The following DCHS2 variants were observed in gnomAD, a reference collection of about 807,000 sequenced individuals.
DCHS2 encodes the protein dachsous cadherin-related 2, also known as protocadherin-23.
Under a neutral mutation model 182.4 loss-of-function variants are expected in DCHS2, and 142 were observed. The observed-to-expected ratio is 0.78, with a 90% CI of 0.68 to 0.89. The LOEUF (loss-of-function observed/expected upper bound fraction) is 0.89. Ranked by LOEUF, DCHS2 falls within the 40% of genes least tolerant of loss-of-function variation. DCHS2 has a pLI of 0.00. For synonymous variants in DCHS2, 1,740 were observed against 1,663.3 expected, an observed-to-expected ratio of 1.05 and a Z score of -1.12; for missense variants, 4,319 against 4,198.6, an observed-to-expected ratio of 1.03 and a Z score of -0.79.
At chr4:154,302,964 C>T (rs1461715898) in intron 12 of DCHS2, among the ~76,000 whole-genome samples, 17 of 43,872 alleles carry the variant, frequency 3.9e-4, no homozygotes, top group Non-Finnish European at 5.2e-4. Flanking sequence ...CACACACACA[C>T]ACACCCACAC....
chr4:154,263,089 C>T (rs941804044), intron 14 of DCHS2, among the ~76,000 whole-genome samples: 9 of 152,138 alleles, frequency 5.9e-5, no homozygotes, highest in African/African-American at 1.9e-4. Context: ...GGTTTTCTCA[C>T]ACTTTTATTC....
Position 154,235,614 on chromosome 4 carries a change from A to AT in DCHS2, c.9037dup (p.Ile3013AsnfsTer8). On this transcript the variant is annotated frameshift_variant, in exon 20 of 20. Transcript: ENST00000357232. LOFTEE classifies it low-confidence loss of function (END_TRUNC). Reference sequence around the variant, plus strand: ...TTGTTTATGTCTTAAAATCATTACAATTAGAATGCAGATGAGTATCAGAAA... The same window carrying AT: ...TTGTTTATGTCTTAAAATCATTACAATTTAGAATGCAGATGAGTATCAGAAA... 1 of 1,613,956 alleles carries AT rather than the reference A, an allele frequency of 6.2e-7. No individual in the cohort carries two copies. Among genetic ancestry groups the AT allele is most frequent in the Non-Finnish European group, 8.5e-7 (1 of 1,179,944 alleles).
Position 154,236,221 on chromosome 4 carries a change from G to T in DCHS2, c.8431C>A (p.Pro2811Thr), listed in dbSNP as rs956155063. ...YGELTYSIVS[P>T]CFLTHGMSYD... ...GACATTCCATGAGTGAGAAAACAGG[G>T]TGATACAATAGAATAGGTCAATTCT... Residue 2811 changes from proline to threonine, a missense_variant, in exon 20 of 20, where the codon CCC becomes ACC. Coordinates refer to ENST00000357232, the MANE Select transcript of DCHS2 (RefSeq NM_001358235.2). 4 of 1,613,940 alleles carry T rather than the reference G, an allele frequency of 2.5e-6. No homozygotes were observed. Among genetic ancestry groups the T allele is most frequent in the Admixed American group, 3.3e-5 (2 of 60,012 alleles).
At chr4:154,237,248 T>C (rs1297052419) in intron 19 of DCHS2, 89 bp from the exon 20 acceptor site, 1 of 1,446,594 alleles carries the variant, frequency 6.9e-7, no homozygotes, top group Non-Finnish European at 9.1e-7. Context: ...TGTCTACTAA[T>C]ATGTGTTTAA....
At chr4:154,346,008 C>T (rs571624262) in intron 3 of DCHS2, among the ~76,000 whole-genome samples, 47 of 152,316 alleles carry the variant, frequency 3.1e-4, no homozygotes, top group African/African-American at 1.1e-3. Flanking sequence ...GGTTTGCAGA[C>T]AGCCATCTTC....
intron 1 of DCHS2, among the ~76,000 whole-genome samples, chr4:154,401,269 C>T (rs1224279836): frequency 6.6e-6 from 1 of 152,134 alleles, no homozygotes; most frequent in Non-Finnish European, 1.5e-5. Context: ...ATTTATTTAT[C>T]CATTCACCAC....
chr4:154,289,582 T>A (rs1734558071), intron 13 of DCHS2, among the ~76,000 whole-genome samples: 1 of 152,016 alleles, frequency 6.6e-6, no homozygotes, highest in Non-Finnish European at 1.5e-5. Flanking sequence ...ACCAAACTCA[T>A]TCTACCAGGT....
intron 14 of DCHS2, among the ~76,000 whole-genome samples, chr4:154,264,416 A>G (rs1733143786): frequency 6.6e-6 from 1 of 152,196 alleles, no homozygotes. Context: ...AAAGAGTTGA[A>G]AAAAATTCAA....
chr4:154,396,509 C>T (rs886164042), intron 1 of DCHS2, among the ~76,000 whole-genome samples: 11 of 152,144 alleles, frequency 7.2e-5, no homozygotes, highest in Non-Finnish European at 1.3e-4. Flanking sequence ...TTTGTTGACA[C>T]CTAAAATCTC....
intron 12 of DCHS2, among the ~76,000 whole-genome samples, chr4:154,303,522 G>A (rs771762906): frequency 1.3e-4 from 19 of 147,992 alleles, no homozygotes; most frequent in African/African-American, 4.5e-4. Flanking sequence ...ATCACTGGCA[G>A]AGACTAGCAG....
chr4:154,334,797 G>T, intron 4 of DCHS2, 71 bp downstream of exon 4: 1 of 1,231,950 alleles, frequency 8.1e-7, no homozygotes, highest in Non-Finnish European at 1.2e-6. Context: ...ATTCAAGATT[G>T]TACCGCCTAC....
At chr4:154,423,917 G>T (rs1057489814) in intron 1 of DCHS2, among the ~76,000 whole-genome samples, 1 of 152,156 alleles carries the variant, frequency 6.6e-6, no homozygotes, top group African/African-American at 2.4e-5. Context: ...CAATACTGCT[G>T]GTCCAGGGAC....
At chr4:154,332,380 A>ATTT in intron 5 of DCHS2, 98 bp downstream of exon 5, 1 of 1,136,384 alleles carries the variant, frequency 8.8e-7, no homozygotes, top group Non-Finnish European at 1.2e-6. Flanking sequence ...CTCAATCCTG[A>ATTT]TTTTGTTTAA....
intron 13 of DCHS2, among the ~76,000 whole-genome samples, chr4:154,284,261 C>T (rs1183293957): frequency 6.6e-6 from 1 of 152,108 alleles, no homozygotes; most frequent in Non-Finnish European, 1.5e-5. Flanking sequence ...CAATTAAAAA[C>T]AAAAATAAAA....
At chr4:154,271,050 G>A (rs542144207) in intron 13 of DCHS2, among the ~76,000 whole-genome samples, 59 of 152,210 alleles carry the variant, frequency 3.9e-4, no homozygotes, top group African/African-American at 1.3e-3. Flanking sequence ...TTTAAGTTAC[G>A]GGAACAGACT....
chr4:154,296,603 T>C (rs183174443), intron 13 of DCHS2, among the ~76,000 whole-genome samples: 1 of 152,344 alleles, frequency 6.6e-6, no homozygotes, highest in African/African-American at 2.4e-5. Flanking sequence ...AATCAAAAGC[T>C]GAACCTGTGG....
chr4:154,255,371 T>C (rs1409652006), intron 16 of DCHS2, 148 bp downstream of exon 16: 2 of 1,136,532 alleles, frequency 1.8e-6, no homozygotes, highest in Non-Finnish European at 2.3e-6. Context: ...TCAAAAAGAG[T>C]AGATCAAAGA....
Position 154,390,222 on chromosome 4 carries a change from G to A in DCHS2, c.2053-12778C>T, listed in dbSNP as rs1250686035. On this transcript the variant is annotated intron_variant, in intron 1 of 19. Transcript: ENST00000357232. ...GCTGGTGCGCTGCACCCACTAACTC[G>A]TCATCTAGCATTAGGTATATCTCCC... is the stretch of plus-strand genomic sequence containing the variant. Among the ~76,000 whole-genome samples the A allele has an allele frequency of 3.4e-5, 5 of 148,188 alleles. No individual in the cohort carries two copies. The South Asian group carries it at 6.5e-4, about 19-fold the overall frequency.
chr4:154,445,975 GAA>G (rs1197062995), intron 1 of DCHS2, among the ~76,000 whole-genome samples: 1 of 152,098 alleles, frequency 6.6e-6, no homozygotes, highest in Non-Finnish European at 1.5e-5. Context: ...GGTACAATCA[GAA>G]AAAGAGTTTC....
Sources: gnomAD v4.1 joint callset for allele counts (sites outside exome capture counted in the v4.1 genomes callset) on GRCh38, gnomAD v4.1.1 for gene constraint, MANE v1.5 for transcripts, NCBI Gene and HGNC (gene_info 2026-07-23, HGNC 2026-07-21) for gene names.